USP14: variants seen among roughly 807,000 people sequenced by gnomAD.
The protein encoded by USP14 is ubiquitin carboxyl-terminal hydrolase 14.
In USP14, 38 loss-of-function variants were observed where a neutral mutation model predicts 76.5. That is an observed-to-expected ratio of 0.50 (90% CI 0.38 to 0.65). The LOEUF is 0.65. USP14 is among the 30% of genes least tolerant of loss of function. The pLI, the probability that USP14 is intolerant of heterozygous loss-of-function variation, is 0.00. For synonymous variants in USP14, 192 were observed against 191.7 expected, an observed-to-expected ratio of 1.00 and a Z score of -0.01; for missense variants, 467 against 586.5, an observed-to-expected ratio of 0.80 and a Z score of 2.10.
chr18:192,735 A>T, intron 5 of USP14, 107 bp from the exon 6 acceptor site: 1 of 951,554 alleles, frequency 1.1e-6, no homozygotes, highest in Admixed American at 2.3e-5. Context: ...AACTCTGAGA[A>T]ACTTGCAGTT....
At position 211,312 on chromosome 18, in the gene USP14, G is replaced by T. The variant is rs1244498060; in HGVS notation, c.*28G>T. ...TTCATTTTAGTATTTATGCTTAGAT[G>T]TGAAAATAAATGTTATTTGTTGATC... On this transcript the variant is annotated 3_prime_UTR_variant, in exon 16 of 16. Transcript: ENST00000261601. 1.9e-6 allele frequency: 3 copies of T among 1,580,348 alleles called. No homozygotes were observed. The highest frequency in any genetic ancestry group is 1.1e-5 in the South Asian group (1 of 87,552).
Position 210,441 on chromosome 18 carries a change from G to A in USP14, c.1281G>A (p.Gln427=). The A allele has an allele frequency of 1.2e-6, 2 of 1,612,318 alleles. No homozygotes were observed. The highest frequency in any genetic ancestry group is 1.7e-6 in the Non-Finnish European group (2 of 1,179,120). ...ACTTACAAGCAGTACTAACACACCAGGGAAGGTCTAGTTCTTCAGGTCATT... is the reference window on the plus strand; with the variant it reads ...ACTTACAAGCAGTACTAACACACCAAGGAAGGTCTAGTTCTTCAGGTCATT... ...YYDLQAVLTH[Q]GRSSSSGHYV... The change falls in exon 15 of 16, where the codon CAG becomes CAA. Residue 427 remains glutamine (Q), a synonymous_variant. Coordinates refer to ENST00000261601, the MANE Select transcript of USP14 (RefSeq NM_005151.4).
intron 3 of USP14, among the ~76,000 whole-genome samples, chr18:176,113 C>CT (rs1166196798): frequency 6.6e-6 from 1 of 151,864 alleles, no homozygotes; most frequent in African/African-American, 2.4e-5. Flanking sequence ...TCTGTTTCCT[C>CT]TATCATCAAG....
At chr18:179,089 T>C in intron 4 of USP14, 52 bp downstream of exon 4, 5 of 1,286,016 alleles carry the variant, frequency 3.9e-6, no homozygotes, top group Non-Finnish European at 5.4e-6. Flanking sequence ...GAAGGACCAT[T>C]ATTAAGGTGT....
intron 3 of USP14, among the ~76,000 whole-genome samples, chr18:174,268 CTTTTT>C (rs34265974): frequency 7.7e-6 from 1 of 130,550 alleles, no homozygotes. Context: ...GTTTTTCTTT[CTTTTT>C]TTTTTTTTTT....
chr18:164,987 C>T (rs1420702141), intron 2 of USP14, among the ~76,000 whole-genome samples: 2 of 151,772 alleles, frequency 1.3e-5, no homozygotes, highest in African/African-American at 2.4e-5. Flanking sequence ...CCCTCTGTCA[C>T]TCAGGGGCTG....
At chr18:202,638 T>C (rs2143083610) in intron 10 of USP14, among the ~76,000 whole-genome samples, 1 of 152,274 alleles carries the variant, frequency 6.6e-6, no homozygotes, top group Non-Finnish European at 1.5e-5. Flanking sequence ...GAGCAAACAG[T>C]ATTTACACTC....
chr18:204,325 TTAGAG>T (rs2143088551), intron 12 of USP14, among the ~76,000 whole-genome samples: 1 of 152,254 alleles, frequency 6.6e-6, no homozygotes, highest in South Asian at 2.1e-4. Flanking sequence ...GTTTTGTGGG[TTAGAG>T]TATTTAATGG....
At chr18:184,023 A>C (rs1158572536) in intron 5 of USP14, among the ~76,000 whole-genome samples, 1 of 152,076 alleles carries the variant, frequency 6.6e-6, no homozygotes, top group Admixed American at 6.5e-5. Context: ...TCTGTTCCTG[A>C]GAGAGTGCTC....
At chr18:200,577 G>A (rs1334664014) in intron 10 of USP14, among the ~76,000 whole-genome samples, 4 of 152,072 alleles carry the variant, frequency 2.6e-5, no homozygotes, top group Admixed American at 6.6e-5. Context: ...TAAAGAATAC[G>A]GACTCACATA....
chr18:160,663 A>G (rs1909092493), intron 1 of USP14, among the ~76,000 whole-genome samples: 1 of 152,266 alleles, frequency 6.6e-6, no homozygotes, highest in African/African-American at 2.4e-5. Context: ...TAACTTGCTC[A>G]TGGCAATAGC....
chr18:161,934 A>G (rs1196290537), intron 1 of USP14, among the ~76,000 whole-genome samples: 2 of 152,204 alleles, frequency 1.3e-5, no homozygotes, highest in Non-Finnish European at 2.9e-5. Flanking sequence ...AGCATTAAAT[A>G]TATTCACAGT....
At chr18:182,189 C>T (rs1909805458) in intron 5 of USP14, among the ~76,000 whole-genome samples, 1 of 152,134 alleles carries the variant, frequency 6.6e-6, no homozygotes, top group African/African-American at 2.4e-5. Context: ...TTTTGAGAAC[C>T]TGTAAAATGG....
Position 214,189 on chromosome 18 carries a change from C to CATCA in USP14, c.*2906_*2909dup, listed in dbSNP as rs1422374166. 6.3e-6 allele frequency: 1 copy of CATCA among 159,386 alleles called. No homozygotes were observed. Among genetic ancestry groups the CATCA allele is most frequent in the Admixed American group, 6.1e-5 (1 of 16,308 alleles). 9.9% of individuals were successfully genotyped at this position (159,386 alleles called of 1,614,324 possible). On this transcript the variant is annotated 3_prime_UTR_variant, in exon 16 of 16. Coordinates refer to ENST00000261601, the MANE Select transcript of USP14 (RefSeq NM_005151.4). Reference sequence around the variant, plus strand: ...AAGACTCGTGGCAGGCAGAACAAACCATCATTTGTTGATCCTCTGCTTGAA... The same window carrying CATCA: ...AAGACTCGTGGCAGGCAGAACAAACCATCAATCATTTGTTGATCCTCTGCTTGAA...
Position 195,352 on chromosome 18 carries a change from T to C in USP14, c.464-1285T>C, listed in dbSNP as rs1158603077. ...TCAGTTTTGTTATTCAGGAACATTT[T>C]ATTGAGCCCCTGCTTTGTGCTAAGA... is the stretch of plus-strand genomic sequence containing the variant. On this transcript the variant is annotated intron_variant, in intron 6 of 15. Coordinates refer to ENST00000261601, the MANE Select transcript of USP14 (RefSeq NM_005151.4). Among the ~76,000 whole-genome samples, 4 of 147,310 alleles carry C rather than the reference T, an allele frequency of 2.7e-5. No individual in the cohort carries two copies. The Admixed American group carries it at 2.8e-4, about 10-fold the overall frequency.
intron 3 of USP14, among the ~76,000 whole-genome samples, chr18:175,569 A>G (rs567100655): frequency 6.6e-6 from 1 of 152,298 alleles, no homozygotes; most frequent in East Asian, 1.9e-4. Flanking sequence ...TCTTGGGATA[A>G]ACCCCACTTG....
rs1416114585 is a variant in USP14 at position 199,428 on chromosome 18, T to TA, written c.876+113dup. 29 of 714,770 alleles carry TA rather than the reference T, an allele frequency of 4.1e-5. No individual in the cohort carries two copies. The African/African-American group carries it at 5.2e-4, about 13-fold the overall frequency. 44.3% of individuals were successfully genotyped at this position (714,770 alleles called of 1,614,324 possible). On this transcript the variant is annotated intron_variant, in intron 10 of 15. Transcript: ENST00000261601. ...TCATTTGTAGACATGTGCAGAGCAA[T>TA]ACGCATTTTGAGTTGCCCGATACAC...
chr18:163,649 A>G (rs1046388386), intron 2 of USP14, among the ~76,000 whole-genome samples, 196 bp downstream of exon 2: 2 of 152,152 alleles, frequency 1.3e-5, no homozygotes, highest in Admixed American at 1.3e-4. Context: ...TGACAACACT[A>G]TATGGTATTA....
At position 205,864 on chromosome 18, in the gene USP14, C is replaced by T. The variant is rs527291233; in HGVS notation, c.1164+1172C>T. On this transcript the variant is annotated intron_variant, in intron 13 of 15. Transcript: ENST00000261601. ...CACTCAGCATAATTCTCTGGCGACT[C>T]ATCCAGGGTGTTGTGCATATCAGTT... 3.3e-5 allele frequency among the ~76,000 whole-genome samples: 5 copies of T among 152,314 alleles called. No individual in the cohort carries two copies. The South Asian group carries it at 1.0e-3, about 32-fold the overall frequency.
Sources: gnomAD v4.1 joint callset for allele counts (sites outside exome capture counted in the v4.1 genomes callset) on GRCh38, gnomAD v4.1.1 for gene constraint, MANE v1.5 for transcripts, NCBI Gene and HGNC (gene_info 2026-07-23, HGNC 2026-07-21) for gene names.